The following EXO5 variants were observed in gnomAD, a reference collection of about 807,000 sequenced individuals.
EXO5 encodes exonuclease V.
A neutral mutation model predicts 17.8 loss-of-function variants in EXO5; 11 were observed. The ratio of observed to expected loss-of-function variants is 0.62; its 90% confidence interval spans 0.39 to 1.02. The LOEUF is 1.02. EXO5 is among the 50% of genes least tolerant of loss of function. EXO5 has a pLI of 0.00. For missense variants in EXO5, 364 were observed against 434.8 expected (o/e 0.84, Z 1.45); for synonymous variants, 147 against 166.5 (o/e 0.88, Z 0.90).
rs370511243 is a variant in EXO5 at position 40,513,207 on chromosome 1, G to C, written c.-30-1308G>C. Among the ~76,000 whole-genome samples the C allele has an allele frequency of 2.7e-4, 41 of 152,046 alleles. 1 individual carries two copies. The highest frequency in any genetic ancestry group is 2.2e-4 in the African/African-American group (9 of 41,376). On this transcript the variant is annotated intron_variant, in intron 3 of 3. Coordinates refer to ENST00000415550, the MANE Select transcript of EXO5 (RefSeq NM_001346953.2). ...GACACCAATTTCTATAATATTAAGA[G>C]GATAATTTATGAAGTCAAGCTACTA...
chr1:40,514,287 A>G (rs1246393939), intron 3 of EXO5, among the ~76,000 whole-genome samples: 1 of 152,294 alleles, frequency 6.6e-6, no homozygotes, highest in East Asian at 1.9e-4. Flanking sequence ...CTCAAAAAAA[A>G]AAAAAAATTC....
At position 40,516,030 on chromosome 1, in the gene EXO5, T is replaced by C. The variant is rs1259107882; in HGVS notation, c.*364T>C. ...ACAGTTACATAATAAAATGAAATGCTGTCCAGGACAGTTGAACTGATGGTT... is the reference window on the plus strand; with the variant it reads ...ACAGTTACATAATAAAATGAAATGCCGTCCAGGACAGTTGAACTGATGGTT... On this transcript the variant is annotated 3_prime_UTR_variant, in exon 4 of 4. Coordinates refer to ENST00000415550, the MANE Select transcript of EXO5 (RefSeq NM_001346953.2). 1.4e-5 allele frequency: 3 copies of C among 214,308 alleles called. No individual in the cohort carries two copies. The highest frequency in any genetic ancestry group is 7.1e-5 in the African/African-American group (3 of 42,396). The allele number at this position is 214,308 out of a possible 1,614,324, so 13.3% of individuals were successfully genotyped here. A position where few individuals can be genotyped will look rare whatever the true frequency, so the allele number is the denominator to read the frequency against.
Position 40,515,238 on chromosome 1 carries a change from A to C in EXO5, c.694A>C (p.Lys232Gln). The C allele has an allele frequency of 1.9e-6, 3 of 1,614,094 alleles. No individual in the cohort carries two copies. The highest frequency in any genetic ancestry group is 2.7e-5 in the African/African-American group (2 of 75,028). Residue 232 changes from lysine to glutamine, a missense_variant, in exon 4 of 4, where the codon AAA becomes CAA. Coordinates refer to ENST00000415550, the MANE Select transcript of EXO5 (RefSeq NM_001346953.2). ...TATCTTTGATGCCATGGTACAAGGAAAAGTGACCCCTGCTAGCCTAATCCA... is the reference window on the plus strand; with the variant it reads ...TATCTTTGATGCCATGGTACAAGGACAAGTGACCCCTGCTAGCCTAATCCA... ...KYIFDAMVQG[K>Q]VTPASLIHHT...
intron 3 of EXO5, among the ~76,000 whole-genome samples, chr1:40,511,862 C>G (rs753382339): frequency 8.0e-5 from 12 of 150,908 alleles, no homozygotes; most frequent in Non-Finnish European, 7.4e-5. Flanking sequence ...AGATAATTTG[C>G]CTAGTTTCTT....
In EXO5 at chr1:40,514,926, C is replaced by T. The variant is rs1336281706; in HGVS notation, c.382C>T (p.Leu128Phe). Residue 128 changes from leucine to phenylalanine, a missense_variant, in exon 4 of 4, where the codon CTT becomes TTT. By Grantham distance (22) the Leu-to-Phe change is conservative. Transcript: ENST00000415550. Reference sequence around the variant, plus strand: ...CATACACCTAGCTAGAGAACTAGAACTTCATGATCTTGTGACTGTCCCAGT... The same window carrying T: ...CATACACCTAGCTAGAGAACTAGAATTTCATGATCTTGTGACTGTCCCAGT... ...ASIHLARELE[L>F]HDLVTVPVTT... 6.2e-7 allele frequency: 1 copy of T among 1,614,164 alleles called. No homozygotes were observed. The highest frequency in any genetic ancestry group is 8.5e-7 in the Non-Finnish European group (1 of 1,180,026).
chr1:40,511,849 A>G (rs898860633), intron 3 of EXO5, among the ~76,000 whole-genome samples: 2 of 151,972 alleles, frequency 1.3e-5, no homozygotes, highest in Non-Finnish European at 2.9e-5. Flanking sequence ...GAGTATCTTC[A>G]TAAGATAATT....
intron 3 of EXO5, among the ~76,000 whole-genome samples, chr1:40,511,706 A>C (rs987284843): frequency 6.6e-6 from 1 of 152,182 alleles, no homozygotes; most frequent in East Asian, 1.9e-4. Flanking sequence ...AGCTATCTCT[A>C]TCAGCTAAAA....
Position 40,515,756 on chromosome 1 carries a change from G to T in EXO5, c.*90G>T. On this transcript the variant is annotated 3_prime_UTR_variant, in exon 4 of 4. Transcript: ENST00000415550. ...CCAGTCTCTGAGCTTGGCTTTTATG[G>T]AGAGTGTTCTTATTTTGGTTCTTTT... is the stretch of plus-strand genomic sequence containing the variant. 7.2e-7 allele frequency: 1 copy of T among 1,398,572 alleles called. No individual in the cohort carries two copies. The highest frequency in any genetic ancestry group is 1.4e-5 in the South Asian group (1 of 71,324). The allele number at this position is 1,398,572 out of a possible 1,614,324, so 86.6% of individuals were successfully genotyped here.
intron 3 of EXO5, among the ~76,000 whole-genome samples, chr1:40,513,845 T>C (rs559955918): frequency 6.6e-6 from 1 of 151,902 alleles, no homozygotes; most frequent in African/African-American, 2.4e-5. Flanking sequence ...CACCTCAGCC[T>C]CCCAAAGTGC....
chr1:40,511,878 TTTTTTC>T (rs1472025676), intron 3 of EXO5, among the ~76,000 whole-genome samples: 1 of 132,330 alleles, frequency 7.6e-6, no homozygotes, highest in Non-Finnish European at 1.6e-5. Context: ...TTCTTTTTTC[TTTTTTC>T]TTTTTTTTTT....
chr1:40,514,436 T>C (rs1407297229), intron 3 of EXO5, 79 bp from the exon 4 acceptor site: 12 of 1,203,350 alleles, frequency 1.0e-5, no homozygotes, highest in South Asian at 6.2e-5. Context: ...CATAATTTTG[T>C]TTTTATCTCA....
intron 3 of EXO5, 52 bp downstream of exon 3, chr1:40,509,842 G>A (rs1267616558): frequency 2.6e-5 from 4 of 152,188 alleles, no homozygotes; most frequent in Admixed American, 1.3e-4. Context: ...AGGGGGAATC[G>A]ATACACTCTC....
Position 40,515,510 on chromosome 1 carries a change from T to G in EXO5, c.966T>G (p.Tyr322Ter). The change falls in exon 4 of 4, where the codon TAT becomes TAG. Residue 322 changes from tyrosine (Y) to a stop codon, truncating the protein, a stop_gained. Transcript: ENST00000415550. LOFTEE classifies it high-confidence loss of function. The part of the protein sequence containing the change: ...EKEVRAKVQH[Y>*]MAYWMGHREP... ...AGGTGAGAGCCAAGGTGCAGCATTA[T>G]ATGGCCTACTGGATGGGCCACCGAG... is the stretch of plus-strand genomic sequence containing the variant. The G allele has an allele frequency of 6.2e-7, 1 of 1,613,750 alleles. No homozygotes were observed. The highest frequency in any genetic ancestry group is 1.3e-5 in the African/African-American group (1 of 74,902).
chr1:40,513,777 TG>T (rs1313463221), intron 3 of EXO5, among the ~76,000 whole-genome samples: 1 of 151,492 alleles, frequency 6.6e-6, no homozygotes, highest in African/African-American at 2.4e-5. Flanking sequence ...TTAGTAGAGA[TG>T]GGGTTTCACC....
chr1:40,514,173 G>A (rs943703609), intron 3 of EXO5, among the ~76,000 whole-genome samples: 31 of 151,800 alleles, frequency 2.0e-4, no homozygotes, highest in Admixed American at 1.8e-3. Context: ...CCAGCTACTC[G>A]GGAGGCTGAG....
Position 40,515,062 on chromosome 1 carries a change from AG to A in EXO5, c.521del (p.Gly174ValfsTer7), listed in dbSNP as rs769262698. 1 of 1,614,032 alleles carries A rather than the reference AG, an allele frequency of 6.2e-7. No homozygotes were observed. Among genetic ancestry groups the A allele is most frequent in the Admixed American group, 1.7e-5 (1 of 60,022 alleles). On this transcript the variant is annotated frameshift_variant, in exon 4 of 4. Coordinates refer to ENST00000415550, the MANE Select transcript of EXO5 (RefSeq NM_001346953.2). LOFTEE classifies it high-confidence loss of function. Reference protein sequence around the residue: ...IREFPVFGEGEGVLLVGVIDE... With the variant: ...IREFPVFGEGXGVLLVGVIDE... ...GAGTTTCCAGTGTTTGGGGAAGGGG[AG>A]GGTGTACTTCTTGTTGGAGTGATTG...
In EXO5 at chr1:40,515,008, C is replaced by T; in HGVS notation, c.464C>T (p.Pro155Leu). 1 of 1,614,124 alleles carries T rather than the reference C, an allele frequency of 6.2e-7. No individual in the cohort carries two copies. The highest frequency in any genetic ancestry group is 1.1e-5 in the South Asian group (1 of 91,074). ...IKFLNILLLI[P>L]TLQSEGHIRE... ...TTTCTGAACATACTTTTGCTGATTCCTACCCTGCAGTCAGAAGGGCACATC... is the reference window on the plus strand; with the variant it reads ...TTTCTGAACATACTTTTGCTGATTCTTACCCTGCAGTCAGAAGGGCACATC... Residue 155 changes from proline to leucine, a missense_variant, in exon 4 of 4, where the codon CCT (proline) becomes CTT (leucine). By Grantham distance (98) the Pro-to-Leu change is moderately conservative. Transcript: ENST00000415550.
chr1:40,515,310 A>G lies in EXO5; in HGVS notation c.766A>G (p.Arg256Gly). ...LEKPLGPSVLRHAQQGGFSVK... is the reference protein window; with the variant it reads ...LEKPLGPSVLGHAQQGGFSVK... Reference sequence around the variant, plus strand: ...AAAGCCACTGGGGCCATCAGTGCTGAGGCATGCCCAGCAGGGAGGCTTCTC... The same window carrying G: ...AAAGCCACTGGGGCCATCAGTGCTGGGGCATGCCCAGCAGGGAGGCTTCTC... Residue 256 changes from arginine (R) to glycine (G), a missense_variant, in exon 4 of 4, where the codon AGG becomes GGG. Arg to Gly is a moderately radical substitution (Grantham distance 125, BLOSUM62 -2). Coordinates refer to ENST00000415550, the MANE Select transcript of EXO5 (RefSeq NM_001346953.2). The G allele has an allele frequency of 1.2e-6, 2 of 1,614,090 alleles. No homozygotes were observed. The highest frequency in any genetic ancestry group is 2.2e-5 in the East Asian group (1 of 44,854).
chr1:40,513,260 T>A (rs2124488002), intron 3 of EXO5, among the ~76,000 whole-genome samples: 2 of 152,332 alleles, frequency 1.3e-5, no homozygotes, highest in South Asian at 4.1e-4. Flanking sequence ...TAACATCCTC[T>A]TATTATTTCA....
Sources: gnomAD v4.1 joint callset for allele counts (sites outside exome capture counted in the v4.1 genomes callset) on GRCh38, gnomAD v4.1.1 for gene constraint, MANE v1.5 for transcripts, NCBI Gene and HGNC (gene_info 2026-07-23, HGNC 2026-07-21) for gene names.